The following TRPM3 variants were observed in gnomAD, a reference collection of about 807,000 sequenced individuals.
TRPM3 encodes transient receptor potential cation channel subfamily M member 3.
Under a neutral mutation model 181.2 loss-of-function variants are expected in TRPM3, and 77 were observed. That is an observed-to-expected ratio of 0.42 (90% CI 0.35 to 0.51). The LOEUF is 0.51. Ranked by LOEUF, TRPM3 falls within the 20% of genes least tolerant of loss-of-function variation. The probability of loss-of-function intolerance (pLI) is 0.01; values close to 1 mark genes in which losing one functional copy is unlikely to be tolerated. For missense variants in TRPM3, 1,759 were observed against 2,196.7 expected, an observed-to-expected ratio of 0.80 and a Z score of 3.98; for synonymous variants, 745 against 796.4, an observed-to-expected ratio of 0.94 and a Z score of 1.09.
intron 7 of TRPM3, among the ~76,000 whole-genome samples, chr9:70,779,244 C>T (rs2082028493): frequency 6.6e-6 from 1 of 152,092 alleles, no homozygotes; most frequent in South Asian, 2.1e-4. Flanking sequence ...GGTATTTTCC[C>T]CATTGATAAC....
intron 1 of TRPM3, among the ~76,000 whole-genome samples, chr9:70,938,279 T>C (rs558372863): frequency 6.6e-6 from 1 of 152,278 alleles, no homozygotes; most frequent in South Asian, 2.1e-4. Flanking sequence ...TCTCTACTTC[T>C]TCTATTCCCT....
chr9:71,174,941 G>A lies in TRPM3; in HGVS notation c.183+271712C>T, dbSNP rs549649148. Among the ~76,000 whole-genome samples, 361 of 152,262 alleles carry A rather than the reference G, an allele frequency of 2.4e-3. 1 individual carries two copies. Among genetic ancestry groups the A allele is most frequent in the African/African-American group, 8.3e-3 (346 of 41,556 alleles). ...GAGCTAATCTTTAAAAGTAGAAGAGGAGGAGCTGGAGTTACTGGAAATGAA... is the reference window on the plus strand; with the variant it reads ...GAGCTAATCTTTAAAAGTAGAAGAGAAGGAGCTGGAGTTACTGGAAATGAA... On this transcript the variant is annotated intron_variant, in intron 1 of 24. Coordinates refer to the TRPM3 transcript ENST00000357533.
At chr9:70,772,103 A>G (rs1813124483) in intron 7 of TRPM3, among the ~76,000 whole-genome samples, 2 of 152,334 alleles carry the variant, frequency 1.3e-5, no homozygotes, top group African/African-American at 4.8e-5. Flanking sequence ...GATCTATCAG[A>G]CATTCAAGGC....
intron 12 of TRPM3, among the ~76,000 whole-genome samples, chr9:70,627,845 T>G (rs1385471468): frequency 1.3e-5 from 2 of 152,142 alleles, no homozygotes; most frequent in Non-Finnish European, 2.9e-5. Context: ...ACCTCTACCC[T>G]CCTCAGAATT....
intron 1 of TRPM3, among the ~76,000 whole-genome samples, chr9:70,923,822 C>A (rs562491274): frequency 0.012 from 1,757 of 140,814 alleles, 24 homozygotes; most frequent in African/African-American, 0.036. Flanking sequence ...CTCTCTCTCT[C>A]TCTCTCTATA....
At chr9:70,862,375 A>T (rs1442904820) in intron 3 of TRPM3, among the ~76,000 whole-genome samples, 1 of 152,184 alleles carries the variant, frequency 6.6e-6, no homozygotes. Context: ...TAATGAGAAC[A>T]TTATTGAGCA....
chr9:71,076,357 A>G (rs1219274463), intron 1 of TRPM3, among the ~76,000 whole-genome samples: 2 of 152,192 alleles, frequency 1.3e-5, no homozygotes, highest in African/African-American at 2.4e-5. Flanking sequence ...ACCATGAACT[A>G]ATGTGCCACA....
At chr9:71,281,013 C>G (rs1214988331) in intron 1 of TRPM3, among the ~76,000 whole-genome samples, 1 of 152,162 alleles carries the variant, frequency 6.6e-6, no homozygotes, top group Non-Finnish European at 1.5e-5. Context: ...CAGGCAAAGA[C>G]CACATGTGTC....
intron 1 of TRPM3, among the ~76,000 whole-genome samples, chr9:70,998,307 CA>C (rs1284573848): frequency 6.7e-6 from 1 of 149,022 alleles, no homozygotes; most frequent in African/African-American, 2.5e-5. Context: ...CCTCTTTTAC[CA>C]AATTTTCTTT....
chr9:71,115,743 C>G (rs1044458680), intron 1 of TRPM3, among the ~76,000 whole-genome samples: 2 of 152,132 alleles, frequency 1.3e-5, no homozygotes, highest in African/African-American at 4.8e-5. Context: ...TCCTCACTCC[C>G]CAGTGACCAC....
At chr9:70,594,072 C>T (rs933827434) in intron 21 of TRPM3, among the ~76,000 whole-genome samples, 3 of 146,692 alleles carry the variant, frequency 2.0e-5, no homozygotes, top group Admixed American at 6.9e-5. Context: ...AAAACTCACA[C>T]AAAACGAGTA....
At chr9:71,360,231 C>T (rs1487291065) in intron 1 of TRPM3, among the ~76,000 whole-genome samples, 1 of 152,048 alleles carries the variant, frequency 6.6e-6, no homozygotes, top group African/African-American at 2.4e-5. Flanking sequence ...TGTCCTAGCC[C>T]AAGACTCAGG....
intron 1 of TRPM3, among the ~76,000 whole-genome samples, chr9:70,977,632 A>G (rs2097318225): frequency 6.6e-6 from 1 of 152,206 alleles, no homozygotes; most frequent in East Asian, 1.9e-4. Context: ...TCAGACACCA[A>G]CAGTCAGTCT....
chr9:70,696,616 G>A (rs929744898), intron 8 of TRPM3, among the ~76,000 whole-genome samples: 1 of 152,218 alleles, frequency 6.6e-6, no homozygotes, highest in Non-Finnish European at 1.5e-5. Context: ...CTGTGGATGT[G>A]TGCGCAAACC....
intron 1 of TRPM3, among the ~76,000 whole-genome samples, chr9:71,164,666 T>C (rs368246680): frequency 9.8e-4 from 149 of 152,218 alleles, no homozygotes; most frequent in African/African-American, 3.5e-3. Context: ...AATTTCATTG[T>C]TCCGATTGGA....
chr9:70,559,567 G>A (rs756191322), intron 22 of TRPM3, among the ~76,000 whole-genome samples: 6 of 152,130 alleles, frequency 3.9e-5, no homozygotes, highest in Non-Finnish European at 7.4e-5. Flanking sequence ...CATGACAGAC[G>A]TTGCCAATTA....
chr9:70,871,586 A>T (rs2095790736), intron 1 of TRPM3, among the ~76,000 whole-genome samples: 5 of 152,032 alleles, frequency 3.3e-5, no homozygotes, highest in Non-Finnish European at 7.4e-5. Flanking sequence ...CAACTTTTTC[A>T]TGTGAGGTTG....
chr9:70,894,588 G>A (rs1334376770), intron 1 of TRPM3, among the ~76,000 whole-genome samples: 1 of 152,166 alleles, frequency 6.6e-6, no homozygotes, highest in East Asian at 1.9e-4. Context: ...GTATTGACTA[G>A]GAGAGCATTG....
intron 1 of TRPM3, among the ~76,000 whole-genome samples, chr9:71,246,247 A>G (rs2131992729): frequency 6.6e-6 from 1 of 152,306 alleles, no homozygotes; most frequent in Middle Eastern, 3.4e-3. Flanking sequence ...AGGGCTTTTT[A>G]AGTGATTTTA....
Sources: allele counts gnomAD v4.1 joint callset (sites outside exome capture counted in the v4.1 genomes callset), GRCh38; gene constraint gnomAD v4.1.1; transcripts MANE v1.5; gene names NCBI Gene and HGNC (gene_info 2026-07-23, HGNC 2026-07-21).